ANKMY1: variants seen among roughly 807,000 people sequenced by gnomAD.
ANKMY1 encodes ankyrin repeat and MYND domain-containing protein 1.
Under a neutral mutation model 102.0 loss-of-function variants are expected in ANKMY1, and 98 were observed. The ratio of observed to expected loss-of-function variants is 0.96; its 90% CI spans 0.82 to 1.14. ANKMY1 has a LOEUF of 1.14. Among genes scored for constraint, ANKMY1 ranks in the 50% most tolerant of loss-of-function variants. The probability of loss-of-function intolerance (pLI) is 0.00; values close to 1 mark genes in which losing one functional copy is unlikely to be tolerated. For missense variants in ANKMY1, 1,330 were observed against 1,347.6 expected, an observed-to-expected ratio of 0.99 and a Z score of 0.20; for synonymous variants, 582 against 559.9, an observed-to-expected ratio of 1.04 and a Z score of -0.56.
intron 11 of ANKMY1, 26 bp from the exon 12 acceptor site, chr2:240,509,481 G>C (rs1319223729): frequency 1.3e-6 from 2 of 1,538,916 alleles, no homozygotes; most frequent in South Asian, 1.2e-5. Context: ...TGACAGGTTA[G>C]AGAGGCACCC....
rs1230769944 is a variant in ANKMY1 at position 240,511,797 on chromosome 2, G to A, written c.2286+64C>T. The stretch of plus-strand genomic sequence containing the variant: ...GAACACATGCTTCCGGGGGCACAAG[G>A]CCCTGGAAGGTGGCCCCACCGCTGG... On this transcript the variant is annotated intron_variant, in intron 11 of 17. Coordinates refer to ENST00000401804, the MANE Select transcript of ANKMY1 (RefSeq NM_001282771.3). 4.0e-6 allele frequency: 6 copies of A among 1,503,710 alleles called. No homozygotes were observed. The East Asian group carries it at 9.9e-5, about 25-fold the overall frequency. 93.1% of individuals were successfully genotyped at this position (1,503,710 alleles called of 1,614,324 possible). A position where few individuals can be genotyped will look rare whatever the true frequency, so the allele number is the denominator to read the frequency against.
rs1417137730 is a variant in ANKMY1, at chr2:240,553,058, C to T, written c.337-1G>A. On this transcript the variant is annotated splice_acceptor_variant, in intron 3 of 17. Transcript: ENST00000401804. LOFTEE classifies it high-confidence loss of function. ...CCCGGTAAAACTGCCCATGGTATGACTGTGAGATGGAGAAGTTGGTGAGAA... is the reference window on the plus strand; with the variant it reads ...CCCGGTAAAACTGCCCATGGTATGATTGTGAGATGGAGAAGTTGGTGAGAA... The T allele has an allele frequency of 1.2e-6, 2 of 1,611,478 alleles. No individual in the cohort carries two copies. The highest frequency in any genetic ancestry group is 1.7e-6 in the Non-Finnish European group (2 of 1,177,950).
At chr2:240,477,720 C>G (rs1574831420), downstream of ANKMY1, among the ~76,000 whole-genome samples, 1 of 152,142 alleles carries the variant, frequency 6.6e-6, no homozygotes, top group Non-Finnish European at 1.5e-5. Flanking sequence ...TGTCTTCTTT[C>G]TTAAATAAGC....
chr2:240,531,717 A>G (rs2085433574), intron 4 of ANKMY1, among the ~76,000 whole-genome samples: 1 of 152,206 alleles, frequency 6.6e-6, no homozygotes, highest in Non-Finnish European at 1.5e-5. Flanking sequence ...GTAGTTGTCA[A>G]TGGCTAGAGG....
At chr2:240,550,325 G>C (rs1319985186) in intron 4 of ANKMY1, among the ~76,000 whole-genome samples, 2 of 137,684 alleles carry the variant, frequency 1.5e-5, no homozygotes, top group Non-Finnish European at 3.0e-5. Context: ...AGAACACATG[G>C]ACACAGGAAG....
intron 15 of ANKMY1, among the ~76,000 whole-genome samples, chr2:240,492,483 T>C (rs2076763819): frequency 6.6e-6 from 1 of 152,252 alleles, no homozygotes; most frequent in Non-Finnish European, 1.5e-5. Flanking sequence ...AGATTTCCTC[T>C]GTCTCATCTA....
chr2:240,555,068 G>A lies in ANKMY1; in HGVS notation c.147-13C>T. The A allele has an allele frequency of 1.2e-6, 2 of 1,613,042 alleles. No homozygotes were observed. The highest frequency in any genetic ancestry group is 1.7e-6 in the Non-Finnish European group (2 of 1,179,300). On this transcript the variant is annotated splice_polypyrimidine_tract_variant and intron_variant, in intron 2 of 17. Coordinates refer to ENST00000401804, the MANE Select transcript of ANKMY1 (RefSeq NM_001282771.3). Reference sequence around the variant, plus strand: ...TGCTGAAACATCCCTAAAAGGACAGGAGCAGAAGGAGGGAAGAGTGAAGTG... The same window carrying A: ...TGCTGAAACATCCCTAAAAGGACAGAAGCAGAAGGAGGGAAGAGTGAAGTG...
At chr2:240,539,344 C>T (rs1384418185) in intron 4 of ANKMY1, among the ~76,000 whole-genome samples, 2 of 151,940 alleles carry the variant, frequency 1.3e-5, no homozygotes, top group African/African-American at 2.4e-5. Context: ...CAACTCCAGA[C>T]GCACCACCTT....
intron 4 of ANKMY1, chr2:240,552,711 T>C (rs1192693254): frequency 2.7e-6 from 2 of 730,772 alleles, no homozygotes; most frequent in Non-Finnish European, 4.3e-6. Context: ...AATTTGCTGG[T>C]ATCCCTCTGG....
At position 240,520,772 on chromosome 2, in the gene ANKMY1, ACT is replaced by A. The variant is rs536883104; in HGVS notation, c.1833-241_1833-240del. 4.0e-3 allele frequency among the ~76,000 whole-genome samples: 583 copies of A among 146,724 alleles called. 3 individuals carry two copies. Among genetic ancestry groups the A allele is most frequent in the Middle Eastern group, 7.0e-3 (2 of 286 alleles). On this transcript the variant is annotated intron_variant, in intron 8 of 17. Transcript: ENST00000401804. The surrounding 1 kb of genome is among the most constrained non-coding windows in gnomAD (Gnocchi z 4.8). Reference sequence around the variant, plus strand: ...GCACACACAGCACACCACACAGCACACTCACAACCACACCCACAGCACACCAC... The same window carrying A: ...GCACACACAGCACACCACACAGCACACACAACCACACCCACAGCACACCAC...
Position 240,523,868 on chromosome 2 carries a change from C to G in ANKMY1, c.1832+17G>C. ...GATGGTGGCCCTCCACCCCCACCAGCTGGTGCCAGGACCTACTCGATCATG... is the reference window on the plus strand; with the variant it reads ...GATGGTGGCCCTCCACCCCCACCAGGTGGTGCCAGGACCTACTCGATCATG... On this transcript the variant is annotated intron_variant, in intron 8 of 17. Coordinates refer to ENST00000401804, the MANE Select transcript of ANKMY1 (RefSeq NM_001282771.3). 6.2e-7 allele frequency: 1 copy of G among 1,604,154 alleles called. No individual in the cohort carries two copies. The highest frequency in any genetic ancestry group is 8.5e-7 in the Non-Finnish European group (1 of 1,172,914).
chr2:240,539,671 A>G (rs761558569), intron 4 of ANKMY1, among the ~76,000 whole-genome samples: 4 of 152,230 alleles, frequency 2.6e-5, no homozygotes, highest in African/African-American at 9.6e-5. Flanking sequence ...GTATTAAGCA[A>G]TAAAAAGGAA....
chr2:240,479,642 C>A lies in ANKMY1; in HGVS notation c.3060G>T (p.Glu1020Asp), dbSNP rs760223878. ...ATTCTTCTCTCCTCCTGGAAACTTGCTCCAGTTGTGTCACTGGAGGAGGAA... is the reference window on the plus strand; with the variant it reads ...ATTCTTCTCTCCTCCTGGAAACTTGATCCAGTTGTGTCACTGGAGGAGGAA... ...GDLVAIVTQL[E>D]QVSRRREEFQ is the part of the protein sequence containing the mutation. The change falls in exon 18 of 18, where the codon GAG becomes GAT. Residue 1020 changes from glutamate (E) to aspartate (D), a missense_variant. Glu to Asp is a conservative substitution (Grantham distance 45, BLOSUM62 2). Transcript: ENST00000401804. 1 of 1,613,826 alleles carries A rather than the reference C, an allele frequency of 6.2e-7. No individual in the cohort carries two copies. The highest frequency in any genetic ancestry group is 1.3e-5 in the African/African-American group (1 of 75,056).
chr2:240,501,851 C>T (rs770248171), intron 13 of ANKMY1, among the ~76,000 whole-genome samples: 2 of 152,198 alleles, frequency 1.3e-5, no homozygotes, highest in African/African-American at 2.4e-5. Flanking sequence ...GCAAGGCCTA[C>T]GCCAGGCAGA....
Position 240,551,391 on chromosome 2 carries a change from T to A in ANKMY1, c.480+1523A>T, listed in dbSNP as rs1386922141. ...TTTGTTTGCATATGTTTAATAAGAA[T>A]CTGTTTTATTTTATAATGGGACACA... On this transcript the variant is annotated intron_variant, in intron 4 of 17. Transcript: ENST00000401804. 2.0e-5 allele frequency among the ~76,000 whole-genome samples: 3 copies of A among 152,214 alleles called. No homozygotes were observed. The East Asian group carries it at 5.8e-4, about 29-fold the overall frequency.
At chr2:240,507,504 C>T in intron 13 of ANKMY1, 56 bp downstream of exon 13, 2 of 1,545,508 alleles carry the variant, frequency 1.3e-6, no homozygotes, top group Non-Finnish European at 1.7e-6. Context: ...CACTCAGGGC[C>T]ACCCCACCAC....
chr2:240,560,526 C>T (rs2092880816), upstream of ANKMY1: 2 of 1,134,808 alleles, frequency 1.8e-6, no homozygotes, highest in Non-Finnish European at 1.1e-6. Context: ...GCCCAGCGCC[C>T]GCGGGGGACC....
intron 8 of ANKMY1, among the ~76,000 whole-genome samples, chr2:240,521,737 A>G (rs1053569969): frequency 1.3e-5 from 2 of 151,996 alleles, no homozygotes; most frequent in Non-Finnish European, 2.9e-5. Flanking sequence ...TGACCTCGTG[A>G]TCCACCTGCC....
intron 5 of ANKMY1, 169 bp from the exon 6 acceptor site, chr2:240,526,614 C>T (rs2083474966): frequency 2.3e-5 from 34 of 1,457,566 alleles, no homozygotes; most frequent in South Asian, 7.1e-5. Context: ...CAGCTGCTCA[C>T]AATCCACTAG....
Sources: gnomAD v4.1 joint callset for allele counts (sites outside exome capture counted in the v4.1 genomes callset) on GRCh38, gnomAD v4.1.1 for gene constraint, Gnocchi (gnomAD v3.1) non-coding constraint, MANE v1.5 for transcripts, NCBI Gene and HGNC (gene_info 2026-07-23, HGNC 2026-07-21) for gene names.